Variants in PROM1 observed in about 807,000 individuals in gnomAD.
PROM1 encodes prominin-1.
Under a neutral mutation model 116.9 loss-of-function variants are expected in PROM1, and 105 were observed. The observed-to-expected ratio is 0.90, with a 90% CI of 0.77 to 1.06. The LOEUF is 1.06. Ranked by LOEUF, PROM1 falls within the 50% of genes least tolerant of loss-of-function variation. The probability of loss-of-function intolerance (pLI) is 0.00; values close to 1 mark genes in which losing one functional copy is unlikely to be tolerated. For missense variants in PROM1, 1,122 were observed against 1,045.2 expected (o/e 1.07, Z -1.01); for synonymous variants, 393 against 387.0 (o/e 1.02, Z -0.18).
Position 15,987,659 on chromosome 4 carries a change from T to C in PROM1, c.2130+4A>G. ...CCATGACAGAAAACAAAGTAAACCC[T>C]TACCAACAATCCATTCCCTGTGCGT... On this transcript the variant is annotated splice_donor_region_variant and intron_variant, in intron 20 of 27. Coordinates refer to ENST00000447510, the MANE Select transcript of PROM1 (RefSeq NM_006017.3). 1 of 1,609,878 alleles carries C rather than the reference T, an allele frequency of 6.2e-7. No homozygotes were observed. The highest frequency in any genetic ancestry group is 8.5e-7 in the Non-Finnish European group (1 of 1,178,072).
At chr4:15,999,253 C>G (rs888578867) in intron 14 of PROM1, among the ~76,000 whole-genome samples, 1 of 151,812 alleles carries the variant, frequency 6.6e-6, no homozygotes, top group African/African-American at 2.4e-5. Context: ...GGGCAGATCA[C>G]GAGGTCAGGA....
At chr4:16,053,804 A>C (rs1301246315) in intron 2 of PROM1, among the ~76,000 whole-genome samples, 1 of 152,216 alleles carries the variant, frequency 6.6e-6, no homozygotes, top group Non-Finnish European at 1.5e-5. Flanking sequence ...CATTATAGAC[A>C]ATTTATAAGG....
intron 12 of PROM1, among the ~76,000 whole-genome samples, chr4:16,008,050 A>G (rs1179178637): frequency 6.6e-6 from 1 of 152,220 alleles, no homozygotes; most frequent in Non-Finnish European, 1.5e-5. Flanking sequence ...GAGGATTAAA[A>G]GAAATGTGCA....
At chr4:15,980,669 A>G (rs1256213349) in intron 23 of PROM1, 132 bp from the exon 24 acceptor site, 1 of 665,566 alleles carries the variant, frequency 1.5e-6, no homozygotes, top group Non-Finnish European at 2.5e-6. Flanking sequence ...GTTCTTTAAA[A>G]CAATTTGAGA....
intron 10 of PROM1, 43 bp from the exon 11 acceptor site, chr4:16,013,381 A>G: frequency 1.4e-6 from 2 of 1,431,728 alleles, no homozygotes; most frequent in Non-Finnish European, 2.0e-6. Context: ...CAGTTAAGTC[A>G]AAGACTAGTT....
intron 2 of PROM1, among the ~76,000 whole-genome samples, chr4:16,073,144 T>C (rs1197779559): frequency 6.6e-6 from 1 of 152,164 alleles, no homozygotes; most frequent in Admixed American, 6.6e-5. Flanking sequence ...ATATCGGCTG[T>C]ATCTGGCCAG....
At chr4:15,969,884 A>AT (rs563365382) in intron 27 of PROM1, among the ~76,000 whole-genome samples, 191 of 152,096 alleles carry the variant, frequency 1.3e-3, no homozygotes, top group African/African-American at 4.4e-3. Context: ...GCCAGAAAAA[A>AT]TTTTAAGTCC....
chr4:15,998,948 T>C (rs1723004587), intron 14 of PROM1, among the ~76,000 whole-genome samples: 1 of 152,096 alleles, frequency 6.6e-6, no homozygotes, highest in African/African-American at 2.4e-5. Flanking sequence ...CAGGCTGATC[T>C]TGAATTCCTG....
intron 26 of PROM1, among the ~76,000 whole-genome samples, chr4:15,976,656 T>C (rs1716205982): frequency 6.6e-6 from 1 of 152,248 alleles, no homozygotes; most frequent in Non-Finnish European, 1.5e-5. Flanking sequence ...GTGGCAGTAC[T>C]GGTGTGCTGA....
At chr4:15,999,933 C>G (rs1723333657) in intron 14 of PROM1, among the ~76,000 whole-genome samples, 1 of 152,144 alleles carries the variant, frequency 6.6e-6, no homozygotes, top group South Asian at 2.1e-4. Flanking sequence ...AAACTGCCAA[C>G]TGGTCCCCCG....
chr4:16,013,855 G>T (rs1727574258), intron 10 of PROM1, among the ~76,000 whole-genome samples: 1 of 152,006 alleles, frequency 6.6e-6, no homozygotes, highest in Non-Finnish European at 1.5e-5. Flanking sequence ...ACACTGATCG[G>T]TACACTATCC....
intron 5 of PROM1, among the ~76,000 whole-genome samples, chr4:16,032,862 T>G (rs1358877627): frequency 6.6e-6 from 1 of 152,194 alleles, no homozygotes; most frequent in Non-Finnish European, 1.5e-5. Flanking sequence ...CTACAATATT[T>G]TCAAATTTCC....
chr4:16,063,396 G>A, intron 2 of PROM1, among the ~76,000 whole-genome samples: 1 of 152,156 alleles, frequency 6.6e-6, no homozygotes. Flanking sequence ...AGGAGTTCGA[G>A]ACCAGCCTGG....
chr4:16,016,035 T>C, intron 10 of PROM1, 131 bp downstream of exon 10: 1 of 764,980 alleles, frequency 1.3e-6, no homozygotes, highest in Non-Finnish European at 2.1e-6. Context: ...TGGAAGGTAA[T>C]AGCTATCACC....
At chr4:16,078,038 C>T (rs1744309364) in intron 1 of PROM1, 1 of 152,230 alleles carries the variant, frequency 6.6e-6, no homozygotes, top group East Asian at 1.9e-4. Context: ...CACCCTAAGT[C>T]ACCACCTCTA....
chr4:16,075,081 T>C (rs561997860), intron 2 of PROM1, among the ~76,000 whole-genome samples: 89 of 152,134 alleles, frequency 5.9e-4, no homozygotes, highest in African/African-American at 2.0e-3. Context: ...ACAACAAACA[T>C]TAAGAAGGCG....
intron 2 of PROM1, among the ~76,000 whole-genome samples, chr4:16,062,376 G>C (rs1345351174): frequency 6.6e-6 from 1 of 152,046 alleles, no homozygotes; most frequent in African/African-American, 2.4e-5. Context: ...CATAACATTG[G>C]GTTTGCTCCC....
chr4:15,991,331 G>A lies in PROM1; in HGVS notation c.1912-38C>T, dbSNP rs370555388. On this transcript the variant is annotated intron_variant, in intron 17 of 27. Coordinates refer to ENST00000447510, the MANE Select transcript of PROM1 (RefSeq NM_006017.3). Reference sequence around the variant, plus strand: ...TGAAAAAAATTGTCTTATGGATATGGGATCTTTAAGCCTTAACACAACATC... The same window carrying A: ...TGAAAAAAATTGTCTTATGGATATGAGATCTTTAAGCCTTAACACAACATC... The A allele has an allele frequency of 1.9e-5, 27 of 1,417,834 alleles. No individual in the cohort carries two copies. The African/African-American group carries it at 2.2e-4, about 11-fold the overall frequency. 87.8% of individuals were successfully genotyped at this position (1,417,834 alleles called of 1,614,324 possible). A position where few individuals can be genotyped will look rare whatever the true frequency, so the allele number is the denominator to read the frequency against.
chr4:16,051,854 A>G (rs1466052200), intron 2 of PROM1, among the ~76,000 whole-genome samples: 1 of 152,218 alleles, frequency 6.6e-6, no homozygotes, highest in Non-Finnish European at 1.5e-5. Context: ...AGAAACTCCA[A>G]ATGAGACTGG....
Sources: gnomAD v4.1 joint callset for allele counts (sites outside exome capture counted in the v4.1 genomes callset) on GRCh38, gnomAD v4.1.1 for gene constraint, MANE v1.5 for transcripts, NCBI Gene and HGNC (gene_info 2026-07-23, HGNC 2026-07-21) for gene names.